WWOX: variants seen among roughly 807,000 people sequenced by gnomAD.
The protein encoded by WWOX is WW domain-containing oxidoreductase.
WWOX carries 69 observed loss-of-function variants against 46.2 expected under a neutral mutation model. That is an observed-to-expected ratio of 1.49 (90% CI 1.23 to 1.82). The LOEUF (loss-of-function observed/expected upper bound fraction) is 1.82. Ranked by LOEUF, WWOX falls within the 40% of genes most tolerant of loss-of-function variation. WWOX has a pLI of 0.00. For synonymous variants in WWOX, 359 were observed against 202.6 expected, an observed-to-expected ratio of 1.77 and a Z score of -6.56; for missense variants, 919 against 542.6, an observed-to-expected ratio of 1.69 and a Z score of -6.89.
At chr16:78,612,421 G>T (rs567980472) in intron 8 of WWOX, among the ~76,000 whole-genome samples, 4 of 152,320 alleles carry the variant, frequency 2.6e-5, no homozygotes, top group Non-Finnish European at 5.9e-5. Flanking sequence ...TCAGGCATCT[G>T]GGGCCCAGCC....
At chr16:78,803,281 G>T (rs540083800) in intron 8 of WWOX, among the ~76,000 whole-genome samples, 2 of 151,370 alleles carry the variant, frequency 1.3e-5, no homozygotes, top group South Asian at 4.2e-4. Context: ...ACGTGCTCTT[G>T]TGTGTTATTG....
chr16:78,728,868 A>G (rs1368399402), intron 8 of WWOX, among the ~76,000 whole-genome samples: 1 of 152,164 alleles, frequency 6.6e-6, no homozygotes, highest in Non-Finnish European at 1.5e-5. Flanking sequence ...TCCTTGTTAC[A>G]TGGAGGTCAC....
chr16:78,476,228 T>C (rs1490533080), intron 8 of WWOX, among the ~76,000 whole-genome samples: 1 of 152,208 alleles, frequency 6.6e-6, no homozygotes, highest in Non-Finnish European at 1.5e-5. Context: ...TGGCCAGTGA[T>C]GATGAGCATT....
At chr16:79,014,771 G>C (rs529885349) in intron 8 of WWOX, among the ~76,000 whole-genome samples, 1 of 152,276 alleles carries the variant, frequency 6.6e-6, no homozygotes, top group African/African-American at 2.4e-5. Flanking sequence ...AGTTAGTTTT[G>C]CTCTATTCCA....
At chr16:78,766,913 C>G (rs1438253259) in intron 8 of WWOX, among the ~76,000 whole-genome samples, 1 of 152,176 alleles carries the variant, frequency 6.6e-6, no homozygotes, top group African/African-American at 2.4e-5. Flanking sequence ...TTCATCACAT[C>G]TTTTAAAAAA....
In WWOX at chr16:78,099,711, G is replaced by A; in HGVS notation, c.-68G>A. 6.7e-7 allele frequency: 1 copy of A among 1,486,916 alleles called. No homozygotes were observed. The highest frequency in any genetic ancestry group is 1.3e-5 in the South Asian group (1 of 74,628). 92.1% of individuals were successfully genotyped at this position (1,486,916 alleles called of 1,614,324 possible). ...CGCGCGCGGGTCTCGTTTGGAGCGG[G>A]AGTGAGTTCCTGAGCGAGTGGACCC... On this transcript the variant is annotated 5_prime_UTR_variant, in exon 1 of 9. Coordinates refer to ENST00000566780, the MANE Select transcript of WWOX (RefSeq NM_016373.4).
At chr16:78,955,617 T>C (rs1024881964) in intron 8 of WWOX, among the ~76,000 whole-genome samples, 3 of 152,040 alleles carry the variant, frequency 2.0e-5, no homozygotes, top group Admixed American at 6.5e-5. Context: ...ATATTTTTTT[T>C]ATTTTCTTGT....
At chr16:78,245,031 T>G (rs2037772993) in intron 5 of WWOX, among the ~76,000 whole-genome samples, 1 of 152,240 alleles carries the variant, frequency 6.6e-6, no homozygotes, top group South Asian at 2.1e-4. Flanking sequence ...TTTGTTACAA[T>G]TGTGGCATAT....
intron 8 of WWOX, among the ~76,000 whole-genome samples, chr16:78,492,083 A>T (rs1205922980): frequency 3.3e-5 from 5 of 152,158 alleles, no homozygotes; most frequent in Admixed American, 6.5e-5. Flanking sequence ...TTCGAAACTT[A>T]GCATTCTCAG....
At chr16:78,802,884 C>G (rs1197605451) in intron 8 of WWOX, among the ~76,000 whole-genome samples, 5 of 130,296 alleles carry the variant, frequency 3.8e-5, no homozygotes, top group Non-Finnish European at 6.3e-5. Flanking sequence ...CCATTGCACT[C>G]CAGCCTGGGT....
chr16:78,741,279 G>C (rs953531961), intron 8 of WWOX, among the ~76,000 whole-genome samples: 1 of 152,184 alleles, frequency 6.6e-6, no homozygotes, highest in African/African-American at 2.4e-5. Context: ...GCAGGATGCT[G>C]GTCAGGCGCG....
intron 8 of WWOX, among the ~76,000 whole-genome samples, chr16:78,611,982 G>C (rs979886780): frequency 6.6e-6 from 1 of 152,248 alleles, no homozygotes; most frequent in Non-Finnish European, 1.5e-5. Context: ...CTAGCCCACA[G>C]ATGGGGTCAA....
chr16:78,752,101 TAATC>T (rs745677575), intron 8 of WWOX, among the ~76,000 whole-genome samples: 11 of 152,236 alleles, frequency 7.2e-5, no homozygotes, highest in African/African-American at 1.9e-4. Flanking sequence ...TTGTTTTAAA[TAATC>T]AGTCAGTTGT....
At chr16:78,651,434 C>G (rs1467737492) in intron 8 of WWOX, among the ~76,000 whole-genome samples, 1 of 152,148 alleles carries the variant, frequency 6.6e-6, no homozygotes, top group Non-Finnish European at 1.5e-5. Flanking sequence ...AGAACAAGTC[C>G]CCTGGAGGTC....
intron 5 of WWOX, among the ~76,000 whole-genome samples, chr16:78,361,111 C>T (rs186523888): frequency 9.8e-4 from 150 of 152,324 alleles, no homozygotes; most frequent in Admixed American, 4.4e-3. Flanking sequence ...GCATGAGCCA[C>T]TGCACCTGGC....
In WWOX at chr16:78,922,914, A is replaced by G. The variant is rs981568367; in HGVS notation, c.1057-288694A>G. ...AATAAGAACTTAAAACTAAATTTTT[A>G]TTTGCCTAGAAATCTAACATCTTTA... On this transcript the variant is annotated intron_variant, in intron 8 of 8. Transcript: ENST00000566780. 3.3e-5 allele frequency among the ~76,000 whole-genome samples: 5 copies of G among 152,116 alleles called. No individual in the cohort carries two copies. The East Asian group carries it at 5.8e-4, about 18-fold the overall frequency.
At chr16:78,748,598 C>T (rs2049404197) in intron 8 of WWOX, among the ~76,000 whole-genome samples, 1 of 152,124 alleles carries the variant, frequency 6.6e-6, no homozygotes, top group Non-Finnish European at 1.5e-5. Context: ...ATCAACATGC[C>T]CTAACTGGTT....
At chr16:78,922,643 T>C (rs183883692) in intron 8 of WWOX, among the ~76,000 whole-genome samples, 21 of 152,030 alleles carry the variant, frequency 1.4e-4, no homozygotes, top group Middle Eastern at 3.4e-3. Context: ...CCTCCCAAAG[T>C]GCTGGGATTA....
intron 8 of WWOX, among the ~76,000 whole-genome samples, chr16:79,000,234 C>G (rs946006399): frequency 6.6e-6 from 1 of 152,190 alleles, no homozygotes; most frequent in Non-Finnish European, 1.5e-5. Flanking sequence ...AAGGTTCCAG[C>G]TTTGCCTGGC....
Sources: gnomAD v4.1 joint callset for allele counts (sites outside exome capture counted in the v4.1 genomes callset) on GRCh38, gnomAD v4.1.1 for gene constraint, MANE v1.5 for transcripts, NCBI Gene and HGNC (gene_info 2026-07-23, HGNC 2026-07-21) for gene names.